RBM10: variants seen among roughly 807,000 people sequenced by gnomAD.
RBM10 encodes RNA binding motif protein 10, also known as RNA-binding protein 10.
Under a neutral mutation model 84.9 loss-of-function variants are expected in RBM10, and 1 was observed. That is an observed-to-expected ratio of 0.01 (90% confidence interval 0.00 to 0.06). The LOEUF is 0.06. Among genes scored for constraint, RBM10 ranks in the 10% least tolerant of loss-of-function variants. RBM10 has a pLI of 1.00. For missense variants in RBM10, 438 were observed against 839.0 expected, an observed-to-expected ratio of 0.52 and a Z score of 5.90; for synonymous variants, 326 against 344.5, an observed-to-expected ratio of 0.95 and a Z score of 0.60.
chrX:47,162,610 T>G (rs1372867682), intron 2 of RBM10, among the ~76,000 whole-genome samples: 3 of 111,268 alleles, frequency 2.7e-5, no homozygotes, highest in Non-Finnish European at 5.7e-5. Context: ...GTGTGGTGGC[T>G]CACGCCTGTA....
At position 47,166,915 on chromosome X, in the gene RBM10, A is replaced by G. The variant is rs1462172186; in HGVS notation, c.18-2400A>G. The stretch of plus-strand genomic sequence containing the variant: ...CTCGCCCTCCCGAGTAGCTGGGACT[A>G]CAGGTGCGTGTCACCACACCCAGCT... On this transcript the variant is annotated intron_variant, in intron 2 of 23. Transcript: ENST00000377604. Among the ~76,000 whole-genome samples, 49 of 108,604 alleles carry G rather than the reference A, an allele frequency of 4.5e-4. No individual in the cohort carries two copies. The Admixed American group carries it at 4.9e-3, about 11-fold the overall frequency. The allele number at this position is 108,604 out of a possible 115,157, so 94.3% of individuals were successfully genotyped here.
rs781859390 is a variant in RBM10 at position 47,182,117 on chromosome X, C to T, written c.1786-45C>T. 7 of 1,209,466 alleles carry T rather than the reference C, an allele frequency of 5.8e-6. No individual in the cohort carries two copies. The East Asian group carries it at 1.5e-4, about 26-fold the overall frequency. ...AACAGCTAGCCCTGCAGGTTCCCTT[C>T]ACAAGGTCTTCCCTCACATCCCCTC... is the stretch of plus-strand genomic sequence containing the variant. On this transcript the variant is annotated intron_variant, in intron 16 of 23. Coordinates refer to ENST00000377604, the MANE Select transcript of RBM10 (RefSeq NM_005676.5).
At chrX:47,174,413 G>A (rs1450828486) in intron 5 of RBM10, among the ~76,000 whole-genome samples, 4 of 111,477 alleles carry the variant, frequency 3.6e-5, no homozygotes, top group Non-Finnish European at 3.8e-5. Context: ...CCTCCCCTGC[G>A]CTGCGGTGAG....
chrX:47,171,434 G>A (rs1390468827), intron 4 of RBM10, among the ~76,000 whole-genome samples, 176 bp downstream of exon 4: 1 of 112,559 alleles, frequency 8.9e-6, no homozygotes, highest in Non-Finnish European at 1.9e-5. Flanking sequence ...TCGGCCCCCC[G>A]GTCTGGAGGG....
intron 12 of RBM10, among the ~76,000 whole-genome samples, chrX:47,180,844 G>A (rs1272730912): frequency 9.0e-6 from 1 of 111,320 alleles, no homozygotes; most frequent in Non-Finnish European, 1.9e-5. Flanking sequence ...TGATATACAC[G>A]TATCATATGT....
At chrX:47,145,785 A>G (rs1932127825) in intron 1 of RBM10, among the ~76,000 whole-genome samples, 2 of 105,731 alleles carry the variant, frequency 1.9e-5, no homozygotes, top group Non-Finnish European at 3.9e-5. Flanking sequence ...GAAGTTTATC[A>G]GTGGGGAAGC....
At chrX:47,147,897 C>G (rs1556762600) in intron 2 of RBM10, among the ~76,000 whole-genome samples, 1 of 111,393 alleles carries the variant, frequency 9.0e-6, no homozygotes, top group East Asian at 2.8e-4. Context: ...GTATGGGCTA[C>G]AGTTGGCATG....
At chrX:47,182,451 G>A (rs1238645067) in intron 17 of RBM10, 125 bp downstream of exon 17, 38 of 981,138 alleles carry the variant, frequency 3.9e-5, no homozygotes, top group Admixed American at 1.0e-4. Flanking sequence ...GGCAGTGACT[G>A]CTTAGCAGAC....
intron 2 of RBM10, among the ~76,000 whole-genome samples, chrX:47,163,580 A>G (rs1348767472): frequency 8.9e-6 from 1 of 111,911 alleles, no homozygotes; most frequent in Non-Finnish European, 1.9e-5. Context: ...TTGGCCTCCC[A>G]AAGTGCTGGA....
At position 47,181,547 on chromosome X, in the gene RBM10, G is replaced by T. The variant is rs138358884; in HGVS notation, c.1476G>T (p.Ser492=). The change falls in exon 14 of 24, where the codon TCG becomes TCT. Residue 492 remains serine (S), a synonymous_variant. Transcript: ENST00000377604. The part of the protein sequence containing the change: ...ASLEPGADSV[S]MQAFSRAQPG... ...TAGAGCCTGGGGCCGACTCTGTGTC[G>T]ATGCAGGCTTTCTCTCGCGCCCAGC... 3.3e-6 allele frequency: 4 copies of T among 1,210,223 alleles called. No individual in the cohort carries two copies. In the African/African-American group the frequency reaches 5.2e-5, roughly 16 times the overall value.
intron 3 of RBM10, among the ~76,000 whole-genome samples, chrX:47,169,997 G>A (rs1445455615): frequency 1.8e-5 from 2 of 112,936 alleles, no homozygotes; most frequent in Admixed American, 1.9e-4. Flanking sequence ...ATGTTGGGTA[G>A]TTCACCCTAG....
intron 2 of RBM10, among the ~76,000 whole-genome samples, chrX:47,162,633 T>C (rs1166299982): frequency 9.1e-6 from 1 of 110,302 alleles, no homozygotes; most frequent in Non-Finnish European, 1.9e-5. Context: ...CCCAGCACTT[T>C]GGGAGGGCGA....
Position 47,149,771 on chromosome X carries a change from T to A in RBM10, c.17+2273T>A, listed in dbSNP as rs1297227753. 2.7e-5 allele frequency among the ~76,000 whole-genome samples: 3 copies of A among 111,124 alleles called. No homozygotes were observed. In the East Asian group the frequency reaches 8.4e-4, roughly 31 times the overall value. ...TGTCTACTGAGTTTTACTTAATACT[T>A]CCCCCAAGAGTAGATGCCTGTTGTT... On this transcript the variant is annotated intron_variant, in intron 2 of 23. Coordinates refer to ENST00000377604, the MANE Select transcript of RBM10 (RefSeq NM_005676.5).
intron 23 of RBM10, 30 bp downstream of exon 23, chrX:47,186,417 C>T (rs1483296059): frequency 8.3e-7 from 1 of 1,198,234 alleles, no homozygotes; most frequent in Admixed American, 2.3e-5. Context: ...GTCCCATCCC[C>T]CAGCACCCCT....
At chrX:47,171,279 C>G in intron 4 of RBM10, 21 bp downstream of exon 4, 1 of 1,208,494 alleles carries the variant, frequency 8.3e-7, no homozygotes, top group Non-Finnish European at 1.1e-6. Flanking sequence ...CCCATGGCCC[C>G]GGGCAGGAGG....
At chrX:47,170,549 C>CT (rs1457912600) in intron 3 of RBM10, among the ~76,000 whole-genome samples, 2 of 112,874 alleles carry the variant, frequency 1.8e-5, no homozygotes, top group Admixed American at 1.9e-4. Context: ...CTCCTGCTGC[C>CT]TGGCTCTGGC....
At chrX:47,182,354 G>A (rs1556780334) in intron 17 of RBM10, 28 bp downstream of exon 17, 2 of 1,189,132 alleles carry the variant, frequency 1.7e-6, no homozygotes, top group Non-Finnish European at 2.3e-6. Context: ...GCAGTCACTG[G>A]CTGGCTGTGT....
At position 47,175,047 on chromosome X, in the gene RBM10, G is replaced by A. The variant is rs782384478; in HGVS notation, c.531G>A (p.Glu177=). The change falls in exon 6 of 24, where the codon GAG becomes GAA. Residue 177 remains glutamate (E), a synonymous_variant. Coordinates refer to ENST00000377604, the MANE Select transcript of RBM10 (RefSeq NM_005676.5). ...SGQSRGFAFV[E]FSHLQDATRW... is the part of the protein sequence containing the mutation. ...AGAGCCGGGGCTTCGCCTTCGTCGA[G>A]TTTAGTCACTTGCAGGACGCTACAC... 2.5e-6 allele frequency: 3 copies of A among 1,208,737 alleles called. No individual in the cohort carries two copies. Among genetic ancestry groups the A allele is most frequent in the East Asian group, 5.9e-5 (2 of 33,694 alleles).
At chrX:47,180,367 C>T (rs1422097770) in intron 11 of RBM10, 52 bp from the exon 12 acceptor site, 1 of 1,160,230 alleles carries the variant, frequency 8.6e-7, no homozygotes, top group South Asian at 1.9e-5. Context: ...CCCACTCCCC[C>T]CTACCGCTTG....
Sources: allele counts gnomAD v4.1 joint callset (sites outside exome capture counted in the v4.1 genomes callset), GRCh38; gene constraint gnomAD v4.1.1; transcripts MANE v1.5; gene names NCBI Gene and HGNC (gene_info 2026-07-23, HGNC 2026-07-21).